EBF1: variants seen among roughly 807,000 people sequenced by gnomAD.
EBF1 encodes the protein transcription factor COE1.
In EBF1, 10 loss-of-function variants were observed where a neutral mutation model predicts 68.4. The observed-to-expected ratio is 0.15, with a 90% CI of 0.09 to 0.25. The LOEUF is 0.25. Ranked by LOEUF, EBF1 falls within the 10% of genes least tolerant of loss-of-function variation. The pLI is 1.00. For synonymous variants in EBF1, 298 were observed against 299.8 expected, an observed-to-expected ratio of 0.99 and a Z score of 0.06; for missense variants, 509 against 794.4, an observed-to-expected ratio of 0.64 and a Z score of 4.32.
chr5:158,702,145 G>A (rs1756897893), intron 15 of EBF1, among the ~76,000 whole-genome samples: 1 of 152,128 alleles, frequency 6.6e-6, no homozygotes, highest in African/African-American at 2.4e-5. Context: ...CCCTGCCTGT[G>A]GCCTCTGAGC....
chr5:158,733,720 T>C (rs1764590994), intron 10 of EBF1, among the ~76,000 whole-genome samples: 1 of 152,200 alleles, frequency 6.6e-6, no homozygotes, highest in Non-Finnish European at 1.5e-5. Flanking sequence ...TATGATTTGC[T>C]GTCTGTTCAT....
chr5:159,082,449 A>T (rs1779911203), intron 5 of EBF1, among the ~76,000 whole-genome samples: 1 of 152,186 alleles, frequency 6.6e-6, no homozygotes, highest in South Asian at 2.1e-4. Flanking sequence ...GTGCATAGCA[A>T]TTAGCCAGCC....
chr5:158,894,401 A>C (rs1050629266), intron 6 of EBF1, among the ~76,000 whole-genome samples: 1 of 152,248 alleles, frequency 6.6e-6, no homozygotes, highest in Middle Eastern at 3.4e-3. Flanking sequence ...AAGGCAGATA[A>C]ATAAAAAGTA....
intron 6 of EBF1, among the ~76,000 whole-genome samples, chr5:158,972,888 C>T (rs1755929628): frequency 6.6e-6 from 1 of 152,210 alleles, no homozygotes; most frequent in South Asian, 2.1e-4. Flanking sequence ...ACTGCCTTTC[C>T]TGCCCTGTGT....
intron 6 of EBF1, among the ~76,000 whole-genome samples, chr5:159,061,774 A>G (rs1584350671): frequency 1.3e-5 from 2 of 151,668 alleles, no homozygotes; most frequent in Admixed American, 6.6e-5. Context: ...ATAGCCGCGG[A>G]GGAATCTAAC....
At chr5:158,702,052 A>T (rs900626576) in intron 15 of EBF1, among the ~76,000 whole-genome samples, 23 of 152,184 alleles carry the variant, frequency 1.5e-4, no homozygotes, top group African/African-American at 5.5e-4. Flanking sequence ...ATATCAAAGC[A>T]TTACTGTTCT....
chr5:159,022,129 T>G (rs998457023), intron 6 of EBF1, among the ~76,000 whole-genome samples: 2 of 150,138 alleles, frequency 1.3e-5, no homozygotes, highest in East Asian at 3.9e-4. Context: ...CTGCAAAATC[T>G]GATTGCCTCG....
At chr5:158,948,246 C>T (rs1011076253) in intron 6 of EBF1, among the ~76,000 whole-genome samples, 1 of 152,076 alleles carries the variant, frequency 6.6e-6, no homozygotes, top group Non-Finnish European at 1.5e-5. Context: ...ATGCTTGTCT[C>T]TGTGATGTAG....
chr5:158,937,078 C>T (rs1438784076), intron 6 of EBF1, among the ~76,000 whole-genome samples: 3 of 150,200 alleles, frequency 2.0e-5, no homozygotes, highest in African/African-American at 7.4e-5. Flanking sequence ...GGCCTAAATT[C>T]ATGCTTCCTC....
At chr5:158,903,642 G>T (rs896057555) in intron 6 of EBF1, among the ~76,000 whole-genome samples, 1 of 152,030 alleles carries the variant, frequency 6.6e-6, no homozygotes, top group Non-Finnish European at 1.5e-5. Context: ...CATTGGTGGT[G>T]GCTGATTAAT....
chr5:158,948,988 A>C (rs1305734741), intron 6 of EBF1, among the ~76,000 whole-genome samples: 1 of 152,202 alleles, frequency 6.6e-6, no homozygotes, highest in Non-Finnish European at 1.5e-5. Flanking sequence ...ATCACCCTGC[A>C]ATGGTAAAAG....
intron 6 of EBF1, among the ~76,000 whole-genome samples, chr5:158,966,151 G>A (rs996669163): frequency 6.6e-6 from 1 of 152,072 alleles, no homozygotes; most frequent in Admixed American, 6.5e-5. Context: ...ACACACACTG[G>A]TATTTGTGAC....
At chr5:158,950,112 G>A (rs1331063552) in intron 6 of EBF1, among the ~76,000 whole-genome samples, 4 of 152,170 alleles carry the variant, frequency 2.6e-5, no homozygotes, top group African/African-American at 4.8e-5. Context: ...GGGCTAAGGA[G>A]ACATGGATTA....
At position 159,048,635 on chromosome 5, in the gene EBF1, C is replaced by A. The variant is rs192165116; in HGVS notation, c.554+24761G>T. 3.6e-3 allele frequency among the ~76,000 whole-genome samples: 551 copies of A among 152,326 alleles called. 2 individuals are homozygous for A. Among genetic ancestry groups the A allele is most frequent in the Non-Finnish European group, 6.1e-3 (416 of 68,022 alleles). On this transcript the variant is annotated intron_variant, in intron 6 of 15. Coordinates refer to ENST00000313708, the MANE Select transcript of EBF1 (RefSeq NM_024007.5). ...ATACATCACTGCCTTACTTTTTCTTCCTTGCCTTTTTTCCCTCTTCTCTCT... is the reference window on the plus strand; with the variant it reads ...ATACATCACTGCCTTACTTTTTCTTACTTGCCTTTTTTCCCTCTTCTCTCT...
chr5:158,984,204 A>G (rs1758489389), intron 6 of EBF1, among the ~76,000 whole-genome samples: 1 of 152,176 alleles, frequency 6.6e-6, no homozygotes, highest in South Asian at 2.1e-4. Context: ...TAACAACGAT[A>G]TATCAATGGT....
intron 6 of EBF1, among the ~76,000 whole-genome samples, chr5:159,057,853 A>C (rs1365838036): frequency 1.3e-5 from 2 of 152,232 alleles, no homozygotes; most frequent in African/African-American, 4.8e-5. Flanking sequence ...TTCTTAAGCT[A>C]TTCATTCTCC....
intron 6 of EBF1, among the ~76,000 whole-genome samples, chr5:158,927,757 A>T (rs1242998233): frequency 2.0e-5 from 3 of 152,210 alleles, no homozygotes; most frequent in Non-Finnish European, 4.4e-5. Context: ...GCTATCAATT[A>T]TCTTTGCTAT....
At chr5:158,800,823 A>AT (rs1780444402) in intron 8 of EBF1, among the ~76,000 whole-genome samples, 1 of 152,168 alleles carries the variant, frequency 6.6e-6, no homozygotes, top group Non-Finnish European at 1.5e-5. Context: ...AAAGAGTTCA[A>AT]TTCAGCACAG....
intron 6 of EBF1, among the ~76,000 whole-genome samples, chr5:159,056,875 C>A (rs1247031155): frequency 2.0e-5 from 3 of 152,016 alleles, no homozygotes; most frequent in Admixed American, 6.6e-5. Context: ...AATAGAAAGA[C>A]CTTTTGTAAA....
Sources: allele counts gnomAD v4.1 joint callset (sites outside exome capture counted in the v4.1 genomes callset), GRCh38; gene constraint gnomAD v4.1.1; transcripts MANE v1.5; gene names NCBI Gene and HGNC (gene_info 2026-07-23, HGNC 2026-07-21).